SETD5: variants seen among roughly 807,000 people sequenced by gnomAD.
SETD5 encodes histone-lysine N-methyltransferase SETD5.
Under a neutral mutation model 153.3 loss-of-function variants are expected in SETD5, and 44 were observed. The ratio of observed to expected loss-of-function variants is 0.29; its 90% CI spans 0.23 to 0.37. The LOEUF is 0.37. Among genes scored for constraint, SETD5 ranks in the 10% least tolerant of loss-of-function variants. SETD5 has a pLI of 1.00. For missense variants in SETD5, 1,544 were observed against 1,768.0 expected (o/e 0.87, Z 2.27); for synonymous variants, 716 against 645.2 (o/e 1.11, Z -1.66).
Position 9,475,413 on chromosome 3 carries a change from T to C in SETD5, c.3721-70T>C. 7.2e-6 allele frequency: 11 copies of C among 1,534,358 alleles called. 1 individual carries two copies. The South Asian group carries it at 1.4e-4, about 20-fold the overall frequency. ...GATGAAGAAAAAAGAATGTAGGGTA[T>C]TATAAATGTTCACCAGCCATTTAAG... On this transcript the variant is annotated intron_variant, in intron 22 of 22. Coordinates refer to ENST00000402198, the MANE Select transcript of SETD5 (RefSeq NM_001080517.3).
At chr3:9,426,695 C>T (rs147352639) in intron 2 of SETD5, among the ~76,000 whole-genome samples, 2 of 151,926 alleles carry the variant, frequency 1.3e-5, no homozygotes, top group East Asian at 3.9e-4. Flanking sequence ...GCCTGGCGCA[C>T]ACCAGGTAAA....
At chr3:9,432,215 T>G in intron 3 of SETD5, 4 of 860,732 alleles carry the variant, frequency 4.6e-6, no homozygotes, top group Non-Finnish European at 5.6e-6. Context: ...ATAAAATGCA[T>G]GCACCTCACT....
chr3:9,413,649 G>GGGGGGTGTGT (rs200761097), intron 1 of SETD5, among the ~76,000 whole-genome samples: 1 of 140,366 alleles, frequency 7.1e-6, no homozygotes, highest in African/African-American at 2.7e-5. Context: ...GGGGAGGCGG[G>GGGGGGTGTGT]GTGTGTGTGT....
chr3:9,474,752 A>G, intron 21 of SETD5, 170 bp downstream of exon 21: 4 of 882,394 alleles, frequency 4.5e-6, no homozygotes, highest in Non-Finnish European at 6.8e-6. Flanking sequence ...CATTTGTAAG[A>G]TCTAGCATTG....
At position 9,468,464 on chromosome 3, in the gene SETD5, T is replaced by C. The variant is rs1308437339; in HGVS notation, c.2725-1995T>C. 4 of 1,295,576 alleles carry C rather than the reference T, an allele frequency of 3.1e-6. No individual in the cohort carries two copies. The South Asian group carries it at 5.0e-5, about 16-fold the overall frequency. 80.3% of individuals were successfully genotyped at this position (1,295,576 alleles called of 1,614,324 possible). A position where few individuals can be genotyped will look rare whatever the true frequency, so the allele number is the denominator to read the frequency against. Reference sequence around the variant, plus strand: ...GCTTGCTTTTATTTTTTGTTTTGTTTTGCTTCTTGACTTCGAGTAGATGAA... The same window carrying C: ...GCTTGCTTTTATTTTTTGTTTTGTTCTGCTTCTTGACTTCGAGTAGATGAA... On this transcript the variant is annotated intron_variant, in intron 18 of 22. Coordinates refer to ENST00000402198, the MANE Select transcript of SETD5 (RefSeq NM_001080517.3).
rs564796324 is a variant in SETD5, at chr3:9,402,789, A to T, written c.-177+4812A>T. 7.2e-5 allele frequency among the ~76,000 whole-genome samples: 11 copies of T among 152,336 alleles called. 1 individual carries two copies. The highest frequency in any genetic ancestry group is 2.4e-4 in the African/African-American group (10 of 41,570). On this transcript the variant is annotated intron_variant, in intron 1 of 22. Coordinates refer to ENST00000402198, the MANE Select transcript of SETD5 (RefSeq NM_001080517.3). ...AAATAGATTTCTGTCTGGGGAATCA[A>T]GTTTTTGATTTGTGCTACCTAATGG... is the stretch of plus-strand genomic sequence containing the variant.
chr3:9,431,104 T>C (rs1317044932), intron 3 of SETD5: 3 of 985,362 alleles, frequency 3.0e-6, no homozygotes, highest in Non-Finnish European at 3.6e-6. Context: ...CAACTAGATG[T>C]AGACTTCACT....
intron 7 of SETD5, chr3:9,436,714 C>G: frequency 1.5e-6 from 1 of 679,292 alleles, no homozygotes; most frequent in Non-Finnish European, 2.5e-6. Context: ...TGGGGAATTC[C>G]ATTGTATTTT....
chr3:9,435,326 A>G (rs1233197245), intron 6 of SETD5, among the ~76,000 whole-genome samples: 1 of 152,082 alleles, frequency 6.6e-6, no homozygotes, highest in Non-Finnish European at 1.5e-5. Flanking sequence ...AAGAGATAGA[A>G]GTCCTCTCAA....
In SETD5 at chr3:9,423,018, T is replaced by C. The variant is rs563915208; in HGVS notation, c.-176-1449T>C. ...GCAGACTTGTTCTGAATTTCTTTCG[T>C]TGGATTGGTTGTTTATTGGACTTTT... On this transcript the variant is annotated intron_variant, in intron 1 of 22. Transcript: ENST00000402198. Among the ~76,000 whole-genome samples the C allele has an allele frequency of 2.0e-4, 31 of 152,362 alleles. No individual in the cohort carries two copies. In the East Asian group the frequency reaches 6.0e-3, roughly 29 times the overall value.
Position 9,422,820 on chromosome 3 carries a change from T to C in SETD5, c.-176-1647T>C, listed in dbSNP as rs536174885. Among the ~76,000 whole-genome samples the C allele has an allele frequency of 3.9e-5, 6 of 152,356 alleles. No individual in the cohort carries two copies. The South Asian group carries it at 1.2e-3, about 32-fold the overall frequency. On this transcript the variant is annotated intron_variant, in intron 1 of 22. Coordinates refer to ENST00000402198, the MANE Select transcript of SETD5 (RefSeq NM_001080517.3). ...TGGCTGAGTTGCTGTCTGCATAGGC[T>C]GTTAACAATTGTTTCTCTGGCAGCA...
intron 1 of SETD5, among the ~76,000 whole-genome samples, chr3:9,419,934 C>G (rs2038118616): frequency 6.6e-6 from 1 of 152,130 alleles, no homozygotes; most frequent in African/African-American, 2.4e-5. Context: ...AGTTCTTTTC[C>G]TACTCTACTT....
chr3:9,402,240 G>A (rs1301382248), intron 1 of SETD5, among the ~76,000 whole-genome samples: 1 of 152,142 alleles, frequency 6.6e-6, no homozygotes, highest in African/African-American at 2.4e-5. Context: ...TTACATTGGA[G>A]AGAATTCCCC....
At chr3:9,469,449 T>G (rs968803164) in intron 18 of SETD5, among the ~76,000 whole-genome samples, 1 of 152,284 alleles carries the variant, frequency 6.6e-6, no homozygotes, top group South Asian at 2.1e-4. Flanking sequence ...CAATAAAAAA[T>G]TAGGGCATAA....
In SETD5 at chr3:9,434,473, G is replaced by T; in HGVS notation, c.317G>T (p.Cys106Phe). 1 of 1,613,952 alleles carries T rather than the reference G, an allele frequency of 6.2e-7. No individual in the cohort carries two copies. The highest frequency in any genetic ancestry group is 8.5e-7 in the Non-Finnish European group (1 of 1,179,888). ...TCTCAGGATGGCTTCCTTCTCAACT[G>T]TGACAAGTGCAGGTAAGATCCTGTT... Reference protein sequence around the residue: ...GLSQDGFLLNCDKCRGMSRGK... With the variant: ...GLSQDGFLLNFDKCRGMSRGK... The change falls in exon 5 of 23, where the codon TGT (cysteine) becomes TTT (phenylalanine). Residue 106 changes from cysteine to phenylalanine, a missense_variant. Cys to Phe is a radical substitution (Grantham distance 205). Transcript: ENST00000402198. The surrounding 1 kb of genome is among the most constrained non-coding windows in gnomAD (Gnocchi z 5.6).
At position 9,434,326 on chromosome 3, in the gene SETD5, C is replaced by T. The variant is rs2040319277; in HGVS notation, c.178-8C>T. 6.2e-7 allele frequency: 1 copy of T among 1,613,774 alleles called. No homozygotes were observed. The highest frequency in any genetic ancestry group is 2.2e-5 in the East Asian group (1 of 44,878). ...CCTCCGACACCTCCTGCTTCTCCCC[C>T]TGTCCAGACGATCATCCCTCGTTCT... On this transcript the variant is annotated splice_region_variant and splice_polypyrimidine_tract_variant and intron_variant, in intron 4 of 22. Transcript: ENST00000402198. This position sits in a 1 kb window ranked among gnomAD's most constrained non-coding sequence, Gnocchi z 5.6.
intron 1 of SETD5, among the ~76,000 whole-genome samples, chr3:9,404,632 C>T (rs1169297423): frequency 6.6e-6 from 1 of 152,176 alleles, no homozygotes; most frequent in Non-Finnish European, 1.5e-5. Context: ...AGACAGTTTT[C>T]TCTGCATGTG....
intron 1 of SETD5, among the ~76,000 whole-genome samples, chr3:9,412,420 A>G (rs1335235845): frequency 9.1e-6 from 1 of 109,584 alleles, no homozygotes; most frequent in African/African-American, 3.0e-5. Flanking sequence ...TTTTTTTTAA[A>G]GAGACAAGGT....
At chr3:9,460,119 A>G (rs1368083513) in intron 17 of SETD5, among the ~76,000 whole-genome samples, 1 of 152,150 alleles carries the variant, frequency 6.6e-6, no homozygotes, top group Non-Finnish European at 1.5e-5. Context: ...GTTATCATGT[A>G]CAAATACTAT....
Sources: allele counts gnomAD v4.1 joint callset (sites outside exome capture counted in the v4.1 genomes callset), GRCh38; gene constraint gnomAD v4.1.1; non-coding constraint Gnocchi (gnomAD v3.1); transcripts MANE v1.5; gene names NCBI Gene and HGNC (gene_info 2026-07-23, HGNC 2026-07-21).